Variants in TRIM33 observed in about 807,000 individuals in gnomAD.
TRIM33 encodes the protein tripartite motif containing 33.
A neutral mutation model predicts 125.4 loss-of-function variants in TRIM33; 20 were observed. The ratio of observed to expected loss-of-function variants is 0.16; its 90% CI spans 0.11 to 0.23. TRIM33 has a LOEUF of 0.23. Among genes scored for constraint, TRIM33 ranks in the 10% least tolerant of loss-of-function variants. The probability of loss-of-function intolerance (pLI) is 1.00; values close to 1 mark genes in which losing one functional copy is unlikely to be tolerated. For missense variants in TRIM33, 920 were observed against 1,411.4 expected, an observed-to-expected ratio of 0.65 and a Z score of 5.58; for synonymous variants, 564 against 513.9, an observed-to-expected ratio of 1.10 and a Z score of -1.32.
chr1:114,431,692 TA>T (rs1239723863), intron 5 of TRIM33, among the ~76,000 whole-genome samples: 2 of 152,236 alleles, frequency 1.3e-5, no homozygotes, highest in African/African-American at 2.4e-5. Context: ...TTTCAGCTCC[TA>T]AACTGCCTTT....
intron 1 of TRIM33, chr1:114,469,084 A>G: frequency 4.3e-6 from 1 of 234,342 alleles, no homozygotes; most frequent in Non-Finnish European, 8.4e-6. Flanking sequence ...AGAAGATTCC[A>G]ACAGAAACAG....
At chr1:114,456,091 T>C (rs1280635706) in intron 4 of TRIM33, among the ~76,000 whole-genome samples, 2 of 152,202 alleles carry the variant, frequency 1.3e-5, no homozygotes, top group Non-Finnish European at 2.9e-5. Flanking sequence ...CTAGAATGTC[T>C]CAGCTGCCTT....
intron 1 of TRIM33, among the ~76,000 whole-genome samples, chr1:114,489,105 G>T (rs1265863760): frequency 6.6e-6 from 1 of 152,168 alleles, no homozygotes; most frequent in African/African-American, 2.4e-5. Flanking sequence ...TCAATGGAAT[G>T]AAATTAAGTC....
Position 114,434,573 on chromosome 1 carries a change from AG to A in TRIM33, c.924-841del, listed in dbSNP as rs200400888. Among the ~76,000 whole-genome samples the A allele has an allele frequency of 6.4e-4, 97 of 152,350 alleles. No homozygotes were observed. In the East Asian group the frequency reaches 0.017, roughly 26 times the overall value. On this transcript the variant is annotated intron_variant, in intron 4 of 19. Transcript: ENST00000358465. Reference sequence around the variant, plus strand: ...CTCTAATAACATTTCTTTGGCTACTAGGAAGCTAGAATAATAGTTTTCTTTG... The same window carrying A: ...CTCTAATAACATTTCTTTGGCTACTAGAAGCTAGAATAATAGTTTTCTTTG...
intron 4 of TRIM33, among the ~76,000 whole-genome samples, chr1:114,453,490 A>G (rs11102794): frequency 0.35 from 53,608 of 152,102 alleles, 10,129 homozygotes; most frequent in African/African-American, 0.46. Context: ...CTTGCTACTA[A>G]AGTGTAAGTG....
At chr1:114,446,362 C>G (rs1053203833) in intron 4 of TRIM33, among the ~76,000 whole-genome samples, 1 of 151,780 alleles carries the variant, frequency 6.6e-6, no homozygotes, top group Non-Finnish European at 1.5e-5. Context: ...CTCATAACTT[C>G]CTTAAAAGAC....
intron 1 of TRIM33, 130 bp downstream of exon 1, chr1:114,510,421 T>G (rs1653273085): frequency 1.2e-6 from 1 of 836,892 alleles, no homozygotes. Flanking sequence ...GGGGCGAGTC[T>G]TTCACCTTAG....
intron 4 of TRIM33, among the ~76,000 whole-genome samples, chr1:114,439,067 A>G (rs1164928766): frequency 6.6e-6 from 1 of 152,218 alleles, no homozygotes; most frequent in Non-Finnish European, 1.5e-5. Flanking sequence ...CTCTAATTAA[A>G]TCTCAAAAAT....
intron 1 of TRIM33, among the ~76,000 whole-genome samples, chr1:114,471,551 C>G (rs868044072): frequency 6.6e-6 from 1 of 151,516 alleles, no homozygotes; most frequent in Middle Eastern, 3.4e-3. Flanking sequence ...AATTAGTAGT[C>G]TGCTACTAAT....
intron 11 of TRIM33, among the ~76,000 whole-genome samples, chr1:114,418,477 A>G (rs1653072078): frequency 2.0e-5 from 3 of 152,096 alleles, no homozygotes; most frequent in Non-Finnish European, 4.4e-5. Context: ...AGACAAGCTG[A>G]CTTTGGGAGA....
At position 114,393,308 on chromosome 1, in the gene TRIM33, C is replaced by T. The variant is rs932785914; in HGVS notation, c.*4340G>A. 1 of 199,294 alleles carries T rather than the reference C, an allele frequency of 5.0e-6. No individual in the cohort carries two copies. Among genetic ancestry groups the T allele is most frequent in the African/African-American group, 2.3e-5 (1 of 43,380 alleles). 12.3% of individuals were successfully genotyped at this position (199,294 alleles called of 1,614,324 possible). ...ACTGTGTTTTAAAATGTAGTAGATG[C>T]CTACATTTTTCAGAACAAGGAGCAG... On this transcript the variant is annotated 3_prime_UTR_variant, in exon 20 of 20. Transcript: ENST00000358465.
At chr1:114,494,630 G>A (rs1184288457) in intron 1 of TRIM33, among the ~76,000 whole-genome samples, 1 of 152,118 alleles carries the variant, frequency 6.6e-6, no homozygotes, top group African/African-American at 2.4e-5. Context: ...AACCACAGGG[G>A]AAAAGGTAAG....
chr1:114,456,337 A>G (rs186846966), intron 4 of TRIM33, among the ~76,000 whole-genome samples: 16 of 152,292 alleles, frequency 1.1e-4, no homozygotes, highest in Admixed American at 5.2e-4. Context: ...GACAAAAAGA[A>G]ATTACCATTT....
intron 8 of TRIM33, among the ~76,000 whole-genome samples, chr1:114,426,525 A>ATT (rs1647596395): frequency 2.1e-5 from 3 of 143,088 alleles, no homozygotes; most frequent in Middle Eastern, 3.3e-3. Flanking sequence ...TTTTTTTTAA[A>ATT]AAAAAAGGGC....
At chr1:114,405,242 A>G in intron 15 of TRIM33, 168 bp downstream of exon 15, 1 of 587,764 alleles carries the variant, frequency 1.7e-6, no homozygotes, top group Non-Finnish European at 3.0e-6. Context: ...TAGATCTTAG[A>G]TATTTTATTG....
chr1:114,418,376 T>C (rs1653066195), intron 11 of TRIM33, among the ~76,000 whole-genome samples: 1 of 152,204 alleles, frequency 6.6e-6, no homozygotes, highest in Non-Finnish European at 1.5e-5. Flanking sequence ...AAAAATTCTA[T>C]CAGTGAAAGA....
intron 13 of TRIM33, among the ~76,000 whole-genome samples, chr1:114,407,518 G>C (rs1652325005): frequency 6.6e-6 from 1 of 152,108 alleles, no homozygotes; most frequent in African/African-American, 2.4e-5. Context: ...TGGGAAAGTG[G>C]CTGATTCCAG....
At chr1:114,498,550 G>T (rs989156871) in intron 1 of TRIM33, among the ~76,000 whole-genome samples, 1 of 152,142 alleles carries the variant, frequency 6.6e-6, no homozygotes, top group African/African-American at 2.4e-5. Flanking sequence ...TCAGCAGGCT[G>T]AGGTAGAAGA....
chr1:114,412,453 ACC>A (rs1652656685), intron 11 of TRIM33, among the ~76,000 whole-genome samples: 1 of 152,206 alleles, frequency 6.6e-6, no homozygotes, highest in South Asian at 2.1e-4. Context: ...CAACTGGGAA[ACC>A]CAAATCAAGA....
Sources: gnomAD v4.1 joint callset for allele counts (sites outside exome capture counted in the v4.1 genomes callset) on GRCh38, gnomAD v4.1.1 for gene constraint, MANE v1.5 for transcripts, NCBI Gene and HGNC (gene_info 2026-07-23, HGNC 2026-07-21) for gene names.